The following CRYBB2 variants were observed in gnomAD, a reference collection of about 807,000 sequenced individuals.
The protein encoded by CRYBB2 is beta-crystallin B2.
Under a neutral mutation model 24.3 loss-of-function variants are expected in CRYBB2, and 12 were observed. The observed-to-expected ratio is 0.49, with a 90% confidence interval of 0.32 to 0.80. CRYBB2 has a LOEUF of 0.80. CRYBB2 is among the 30% of genes least tolerant of loss of function. The probability of loss-of-function intolerance (pLI) is 0.04; values close to 1 mark genes in which losing one functional copy is unlikely to be tolerated. For synonymous variants in CRYBB2, 98 were observed against 101.6 expected (o/e 0.96, Z 0.21); for missense variants, 198 against 268.5 (o/e 0.74, Z 1.83).
chr22:25,213,162 G>A (rs1935126970), intron 1 of CRYBB2: 1 of 152,146 alleles, frequency 6.6e-6, no homozygotes, highest in Non-Finnish European at 1.5e-5. Flanking sequence ...TATTTCAAGA[G>A]AGTAAAAGGG....
At chr22:25,218,779 G>GAGA (rs1935251085), upstream of CRYBB2, among the ~76,000 whole-genome samples, 79 of 34,532 alleles carry the variant, frequency 2.3e-3, 6 homozygotes, top group East Asian at 0.015. Context: ...GAGAGAGAGA[G>GAGA]AAGAAAGAAA....
At chr22:25,226,759 C>T (rs1375750241) in intron 3 of CRYBB2, among the ~76,000 whole-genome samples, 7 of 152,168 alleles carry the variant, frequency 4.6e-5, no homozygotes, top group African/African-American at 9.7e-5. Context: ...CTGCAACCTC[C>T]GCCTCCCGGG....
At chr22:25,219,293 C>A (rs1935280397), upstream of CRYBB2, among the ~76,000 whole-genome samples, 1 of 152,154 alleles carries the variant, frequency 6.6e-6, no homozygotes, top group Non-Finnish European at 1.5e-5. Context: ...TTTACTTGTT[C>A]TTCCCCAGGC....
rs1051353598 is a variant in CRYBB2 at position 25,221,567 on chromosome 22, C to A, written c.54+84C>A. On this transcript the variant is annotated intron_variant, in intron 2 of 5. Transcript: ENST00000398215. Reference sequence around the variant, plus strand: ...TCTGTAAAATGGGCTTGGCATCTTTCTTCATGGGTACCCCCTCTCGACCCC... The same window carrying A: ...TCTGTAAAATGGGCTTGGCATCTTTATTCATGGGTACCCCCTCTCGACCCC... 3.3e-5 allele frequency: 34 copies of A among 1,024,574 alleles called. No homozygotes were observed. In the African/African-American group the frequency reaches 5.2e-4, roughly 16 times the overall value. The allele number at this position is 1,024,574 out of a possible 1,614,324, so 63.5% of individuals were successfully genotyped here. A position where few individuals can be genotyped will look rare whatever the true frequency, so the allele number is the denominator to read the frequency against.
At chr22:25,218,838 GAGAA>G (rs1402128611), upstream of CRYBB2, among the ~76,000 whole-genome samples, 79 of 98,062 alleles carry the variant, frequency 8.1e-4, 2 homozygotes, top group African/African-American at 2.3e-3. Flanking sequence ...AAGAAAGAAA[GAGAA>G]AGAAAGAAAG....
chr22:25,224,635 C>T (rs910464985), intron 2 of CRYBB2, among the ~76,000 whole-genome samples: 1 of 152,156 alleles, frequency 6.6e-6, no homozygotes, highest in African/African-American at 2.4e-5. Flanking sequence ...TCCCAAAATG[C>T]TGAGATTACA....
chr22:25,225,212 G>C (rs1356582319), intron 3 of CRYBB2, among the ~76,000 whole-genome samples, 176 bp downstream of exon 3: 2 of 152,168 alleles, frequency 1.3e-5, no homozygotes, highest in Non-Finnish European at 2.9e-5. Flanking sequence ...TCAAATCCAG[G>C]TTCCACCCCT....
rs1267858407 is a variant in CRYBB2 at position 25,221,458 on chromosome 22, G to T, written c.29G>T (p.Gly10Val). MASDHQTQA[G>V]KPQSLNPKII... ...GCCTCAGATCACCAGACCCAGGCGG[G>T]CAAGCCACAGTCCCTCAACCCCAAG... The change falls in exon 2 of 6, where the codon GGC (glycine) becomes GTC (valine). Residue 10 changes from glycine (G) to valine (V), a missense_variant. By Grantham distance (109) the Gly-to-Val change is moderately radical. Transcript: ENST00000398215. 1 of 1,613,758 alleles carries T rather than the reference G, an allele frequency of 6.2e-7. No homozygotes were observed.
At position 25,229,960 on chromosome 22, in the gene CRYBB2, C is replaced by G. The variant is rs376934902; in HGVS notation, c.449+382C>G. Among the ~76,000 whole-genome samples the G allele has an allele frequency of 4.5e-4, 68 of 150,946 alleles. 1 individual carries two copies. The highest frequency in any genetic ancestry group is 1.5e-3 in the African/African-American group (61 of 41,298). ...GAAGCAGGAGGACCAGCCCATGCTG[C>G]CTTTGACCGCGTGTGTCCCTAAGTT... On this transcript the variant is annotated intron_variant, in intron 5 of 5. Transcript: ENST00000398215.
At chr22:25,218,087 G>A (rs1262434500), upstream of CRYBB2, among the ~76,000 whole-genome samples, 5 of 151,562 alleles carry the variant, frequency 3.3e-5, no homozygotes, top group East Asian at 2.0e-4. Context: ...GTGAAACACC[G>A]TCTCTACTAA....
At chr22:25,229,674 A>G in intron 5 of CRYBB2, 96 bp downstream of exon 5, 2 of 1,552,440 alleles carry the variant, frequency 1.3e-6, no homozygotes, top group Non-Finnish European at 1.8e-6. Flanking sequence ...GTGATCTTGC[A>G]CACATCAGTG....
At position 25,231,606 on chromosome 22, in the gene CRYBB2, G is replaced by A; in HGVS notation, c.452G>A (p.Trp151Ter). The change falls in exon 6 of 6, where the codon TGG becomes TAG. Residue 151 changes from tryptophan (W) to a stop codon, truncating the protein, a stop_gained and splice_region_variant. Coordinates refer to ENST00000398215, the MANE Select transcript of CRYBB2 (RefSeq NM_000496.3). LOFTEE classifies it high-confidence loss of function. ...VSSVRVQSGT[W>*]VGYQYPGYRG... ...TCCCATCACCTCTGGCCCTGCAGGT[G>A]GGTTGGCTACCAGTACCCCGGCTAC... is the stretch of plus-strand genomic sequence containing the variant. 6.2e-7 allele frequency: 1 copy of A among 1,614,110 alleles called. No homozygotes were observed. The highest frequency in any genetic ancestry group is 8.5e-7 in the Non-Finnish European group (1 of 1,179,990).
rs772068612 is a variant in CRYBB2, at chr22:25,227,995, C to T, written c.306+10C>T. On this transcript the variant is annotated intron_variant, in intron 4 of 5. Coordinates refer to ENST00000398215, the MANE Select transcript of CRYBB2 (RefSeq NM_000496.3). ...GAGGCCCATCAAAGTGGTGAGCCCC[C>T]TGCCATCACCCTACTCCCTCTCTCT... The T allele has an allele frequency of 1.1e-5, 17 of 1,614,080 alleles. No individual in the cohort carries two copies. In the South Asian group the frequency reaches 1.9e-4, roughly 18 times the overall value.
intron 4 of CRYBB2, among the ~76,000 whole-genome samples, chr22:25,228,909 CGT>C (rs1000637683): frequency 2.0e-5 from 3 of 152,078 alleles, no homozygotes; most frequent in African/African-American, 7.2e-5. Context: ...TTAGCCTGTG[CGT>C]GTGTGTGTAC....
At chr22:25,224,814 C>G in intron 2 of CRYBB2, 104 bp from the exon 3 acceptor site, 1 of 783,946 alleles carries the variant, frequency 1.3e-6, no homozygotes. Flanking sequence ...GGAGGTGAAC[C>G]CTTCAGCATC....
At chr22:25,226,465 G>C (rs1422981235) in intron 3 of CRYBB2, among the ~76,000 whole-genome samples, 1 of 152,204 alleles carries the variant, frequency 6.6e-6, no homozygotes, top group East Asian at 1.9e-4. Flanking sequence ...AGCTTACCTG[G>C]TGATAGTTAC....
At chr22:25,225,776 T>A (rs1487152219) in intron 3 of CRYBB2, among the ~76,000 whole-genome samples, 1 of 152,170 alleles carries the variant, frequency 6.6e-6, no homozygotes, top group Non-Finnish European at 1.5e-5. Context: ...TCTCAGGGAA[T>A]TTTGCAGAGT....
chr22:25,223,359 C>G (rs747111894), intron 2 of CRYBB2, among the ~76,000 whole-genome samples: 1 of 152,150 alleles, frequency 6.6e-6, no homozygotes, highest in South Asian at 2.1e-4. Context: ...CCACAAGCAG[C>G]GCAAATACTA....
Position 25,229,476 on chromosome 22 carries a change from A to G in CRYBB2, c.347A>G (p.Asn116Ser), listed in dbSNP as rs367884340. The G allele has an allele frequency of 6.2e-7, 1 of 1,613,272 alleles. No individual in the cohort carries two copies. The highest frequency in any genetic ancestry group is 1.3e-5 in the African/African-American group (1 of 74,970). ...EHKIILYENP[N>S]FTGKKMEIID... ...AAGATCATCCTCTATGAAAACCCCA[A>G]CTTCACCGGGAAGAAGATGGAAATC... The change falls in exon 5 of 6, where the codon AAC (asparagine) becomes AGC (serine). Residue 116 changes from asparagine (N) to serine (S), a missense_variant. Transcript: ENST00000398215.
Sources: allele counts gnomAD v4.1 joint callset (sites outside exome capture counted in the v4.1 genomes callset), GRCh38; gene constraint gnomAD v4.1.1; transcripts MANE v1.5; gene names NCBI Gene and HGNC (gene_info 2026-07-23, HGNC 2026-07-21).